IFIT1: variants seen among roughly 807,000 people sequenced by gnomAD.
The protein encoded by IFIT1 is antiviral innate immune response effector IFIT1.
Under a neutral mutation model 2.5 loss-of-function variants are expected in IFIT1, and 1 was observed. That is an observed-to-expected ratio of 0.40 (90% CI 0.14 to 1.92). The LOEUF is 1.92. Among genes scored for constraint, IFIT1 ranks in the 40% most tolerant of loss-of-function variants. The pLI is 0.31. For synonymous variants in IFIT1, 191 were observed against 201.7 expected, an observed-to-expected ratio of 0.95 and a Z score of 0.45; for missense variants, 508 against 557.8, an observed-to-expected ratio of 0.91 and a Z score of 0.90.
At position 89,402,313 on chromosome 10, in the gene IFIT1, G is replaced by C; in HGVS notation, c.38G>C (p.Ser13Thr). 6.2e-7 allele frequency: 1 copy of C among 1,613,718 alleles called. No individual in the cohort carries two copies. Among genetic ancestry groups the C allele is most frequent in the Non-Finnish European group, 8.5e-7 (1 of 1,179,686 alleles). ...TNGDDHQVKDSLEQLRCHFTW... is the reference protein window; with the variant it reads ...TNGDDHQVKDTLEQLRCHFTW... The stretch of plus-strand genomic sequence containing the variant: ...GGTGATGATCATCAGGTCAAGGATA[G>C]TCTGGAGCAATTGAGATGTCACTTT... The change falls in exon 2 of 2, where the codon AGT (serine) becomes ACT (threonine). Residue 13 changes from serine (S) to threonine (T), a missense_variant. Coordinates refer to ENST00000371804, the MANE Select transcript of IFIT1 (RefSeq NM_001548.5).
rs751323840 is a variant in IFIT1 at position 89,403,142 on chromosome 10, C to G, written c.867C>G (p.His289Gln). 1 of 1,613,890 alleles carries G rather than the reference C, an allele frequency of 6.2e-7. No individual in the cohort carries two copies. The highest frequency in any genetic ancestry group is 8.5e-7 in the Non-Finnish European group (1 of 1,179,962). Residue 289 changes from histidine to glutamine, a missense_variant, in exon 2 of 2, where the codon CAC (histidine) becomes CAG (glutamine). Coordinates refer to ENST00000371804, the MANE Select transcript of IFIT1 (RefSeq NM_001548.5). ...CACCCACTTCTGTCTTACTGCATCA[C>G]CAGATAGGGCTTTGCTACAAGGCAC... The part of the protein sequence containing the change: ...QETPTSVLLH[H>Q]QIGLCYKAQM...
At position 89,402,631 on chromosome 10, in the gene IFIT1, A is replaced by T. The variant is rs1844448289; in HGVS notation, c.356A>T (p.Asp119Val). Residue 119 changes from aspartate (D) to valine (V), a missense_variant, in exon 2 of 2, where the codon GAC becomes GTC. Asp to Val is a radical substitution (Grantham distance 152). Coordinates refer to ENST00000371804, the MANE Select transcript of IFIT1 (RefSeq NM_001548.5). ...GRLAEAQTYL[D>V]KVENICKKLS... is the part of the protein sequence containing the mutation. ...CTGGCAGAAGCCCAGACTTACCTGG[A>T]CAAGGTGGAGAACATTTGCAAGAAG... 6.2e-7 allele frequency: 1 copy of T among 1,614,234 alleles called. No individual in the cohort carries two copies.
In IFIT1 at chr10:89,393,300, A is replaced by G. The variant is rs148071714; in HGVS notation, c.5+583A>G. ...GGTTTTCGCAATCAGGCTGAGCTTA[A>G]GATAAACAGATTGCCTCCTCCCTGG... On this transcript the variant is annotated intron_variant, in intron 1 of 1. Transcript: ENST00000371804. 1.5e-3 allele frequency: 1,897 copies of G among 1,288,688 alleles called. 14 individuals are homozygous for G. The African/African-American group carries it at 0.019, about 13-fold the overall frequency. The allele number at this position is 1,288,688 out of a possible 1,614,324, so 79.8% of individuals were successfully genotyped here.
rs1844498171 is a variant in IFIT1 at position 89,404,554 on chromosome 10, A to C, written c.*842A>C. On this transcript the variant is annotated 3_prime_UTR_variant, in exon 2 of 2. Transcript: ENST00000371804. ...ATTCATAGCCCCCCATAACCTGTTA[A>C]CTATGTGTGTCTAGCCAATCCACCA... is the stretch of plus-strand genomic sequence containing the variant. The C allele has an allele frequency of 1.3e-5, 2 of 152,250 alleles. No homozygotes were observed. The highest frequency in any genetic ancestry group is 4.1e-4 in the South Asian group (2 of 4,834). 9.4% of individuals were successfully genotyped at this position (152,250 alleles called of 1,614,324 possible). A position where few individuals can be genotyped will look rare whatever the true frequency, so the allele number is the denominator to read the frequency against.
At chr10:89,392,761 G>T (rs1402954447) in intron 1 of IFIT1, 44 bp downstream of exon 1, 2 of 1,599,452 alleles carry the variant, frequency 1.3e-6, no homozygotes, top group African/African-American at 2.7e-5. Flanking sequence ...TAAAGTTTTT[G>T]AAAAAATGGT....
chr10:89,400,263 C>T (rs1844403354), intron 1 of IFIT1, among the ~76,000 whole-genome samples: 1 of 152,060 alleles, frequency 6.6e-6, no homozygotes. Flanking sequence ...ATTTGAGATC[C>T]CTTGACATTT....
Position 89,403,694 on chromosome 10 carries a change from T to C in IFIT1, c.1419T>C (p.Ser473=), listed in dbSNP as rs923633798. The C allele has an allele frequency of 2.5e-6, 4 of 1,590,696 alleles. No individual in the cohort carries two copies. The African/African-American group carries it at 5.4e-5, about 22-fold the overall frequency. Residue 473 remains serine, a synonymous_variant, in exon 2 of 2, where the codon TCT becomes TCC. Coordinates refer to ENST00000371804, the MANE Select transcript of IFIT1 (RefSeq NM_001548.5). The part of the protein sequence containing the change: ...ALRLAADFEN[S]VRQGP ...GACTGGCTGCTGACTTTGAGAACTC[T>C]GTGAGACAAGGTCCTTAGGCACCCA... is the stretch of plus-strand genomic sequence containing the variant.
At chr10:89,393,424 C>T (rs1589632537) in intron 1 of IFIT1, 1 of 679,828 alleles carries the variant, frequency 1.5e-6, no homozygotes. Context: ...GTGGGAATTT[C>T]TCAGCTGATT....
chr10:89,396,299 T>A (rs930640856), intron 1 of IFIT1, among the ~76,000 whole-genome samples: 18 of 152,206 alleles, frequency 1.2e-4, no homozygotes, highest in African/African-American at 4.1e-4. Flanking sequence ...AAGCAACAAT[T>A]TCTAAGGCTG....
chr10:89,402,324 T>C lies in IFIT1; in HGVS notation c.49T>C (p.Leu17=), dbSNP rs963634904. 4 of 1,613,842 alleles carry C rather than the reference T, an allele frequency of 2.5e-6. No homozygotes were observed. Among genetic ancestry groups the C allele is most frequent in the African/African-American group, 1.3e-5 (1 of 74,912 alleles). The change falls in exon 2 of 2, where the codon TTG becomes CTG. Residue 17 remains leucine, a synonymous_variant. Coordinates refer to ENST00000371804, the MANE Select transcript of IFIT1 (RefSeq NM_001548.5). Reference sequence around the variant, plus strand: ...TCAGGTCAAGGATAGTCTGGAGCAATTGAGATGTCACTTTACATGGGAGTT... The same window carrying C: ...TCAGGTCAAGGATAGTCTGGAGCAACTGAGATGTCACTTTACATGGGAGTT... The part of the protein sequence containing the change: ...DHQVKDSLEQ[L]RCHFTWELSI...
rs778578190 is a variant in IFIT1, at chr10:89,403,127, T to G, written c.852T>G (p.Ser284=). Residue 284 remains serine (S), a synonymous_variant, in exon 2 of 2, where the codon TCT becomes TCG. Coordinates refer to ENST00000371804, the MANE Select transcript of IFIT1 (RefSeq NM_001548.5). ...AGGCCTTGCAGGAAACACCCACTTC[T>G]GTCTTACTGCATCACCAGATAGGGC... ...LKKALQETPT[S]VLLHHQIGLC... is the part of the protein sequence containing the mutation. 4 of 1,614,112 alleles carry G rather than the reference T, an allele frequency of 2.5e-6. No homozygotes were observed. The highest frequency in any genetic ancestry group is 3.4e-6 in the Non-Finnish European group (4 of 1,179,992).
intron 1 of IFIT1, among the ~76,000 whole-genome samples, chr10:89,394,173 T>TGTGCAGCATGTTACC (rs1364684634): frequency 6.6e-6 from 1 of 152,206 alleles, no homozygotes; most frequent in East Asian, 1.9e-4. Context: ...AGCATGTTAC[T>TGTGCAGCATGTTACC]GTACTGAATA....
rs1293431059 is a variant in IFIT1 at position 89,403,548 on chromosome 10, T to C, written c.1273T>C (p.Leu425=). The part of the protein sequence containing the change: ...RDKSINSLKK[L]VLRKLRRKAL... ...TAAAAGTATCAATTCTTTGAAGAAA[T>C]TGGTTTTAAGGAAACTTCGGAGAAA... Residue 425 remains leucine, a synonymous_variant, in exon 2 of 2, where the codon TTG becomes CTG. Transcript: ENST00000371804. 1.2e-6 allele frequency: 2 copies of C among 1,614,048 alleles called. No individual in the cohort carries two copies. Among genetic ancestry groups the C allele is most frequent in the Non-Finnish European group, 1.7e-6 (2 of 1,179,954 alleles).
intron 1 of IFIT1, chr10:89,393,399 C>T (rs1204842249): frequency 1.2e-6 from 1 of 819,272 alleles, no homozygotes; most frequent in Non-Finnish European, 1.7e-6. Context: ...ATCTTCCTTA[C>T]CTAAAGGGCC....
chr10:89,397,655 C>A (rs953477820), intron 1 of IFIT1, among the ~76,000 whole-genome samples: 1 of 151,664 alleles, frequency 6.6e-6, no homozygotes, highest in African/African-American at 2.4e-5. Context: ...AGATTATAGG[C>A]ATGAGTCATT....
At position 89,402,759 on chromosome 10, in the gene IFIT1, G is replaced by A. The variant is rs149964072; in HGVS notation, c.484G>A (p.Ala162Thr). Residue 162 changes from alanine to threonine, a missense_variant, in exon 2 of 2, where the codon GCC (alanine) becomes ACC (threonine). Coordinates refer to ENST00000371804, the MANE Select transcript of IFIT1 (RefSeq NM_001548.5). ...CGGKNYERAK[A>T]CFEKVLEVDP... ...AGGAAAAAATTATGAACGGGCCAAG[G>A]CCTGCTTTGAAAAGGTGCTTGAAGT... The A allele has an allele frequency of 1.7e-5, 27 of 1,614,102 alleles. No homozygotes were observed. Among genetic ancestry groups the A allele is most frequent in the Non-Finnish European group, 2.2e-5 (26 of 1,180,044 alleles).
At chr10:89,397,747 C>T (rs1204969352) in intron 1 of IFIT1, among the ~76,000 whole-genome samples, 2 of 152,070 alleles carry the variant, frequency 1.3e-5, no homozygotes, top group Non-Finnish European at 2.9e-5. Context: ...ACATAGATTT[C>T]CAGTGGTCTG....
chr10:89,395,871 G>A (rs1369086336), intron 1 of IFIT1, among the ~76,000 whole-genome samples: 2 of 151,200 alleles, frequency 1.3e-5, no homozygotes, highest in East Asian at 1.9e-4. Context: ...TTCATTTAGT[G>A]TAGTGTTGTC....
In IFIT1 at chr10:89,402,691, C is replaced by T; in HGVS notation, c.416C>T (p.Pro139Leu). The T allele has an allele frequency of 1.2e-6, 2 of 1,614,128 alleles. No individual in the cohort carries two copies. Among genetic ancestry groups the T allele is most frequent in the Non-Finnish European group, 1.7e-6 (2 of 1,180,018 alleles). Reference sequence around the variant, plus strand: ...CCCTTCCGCTATAGAATGGAGTGTCCAGAAATAGACTGTGAGGAAGGATGG... The same window carrying T: ...CCCTTCCGCTATAGAATGGAGTGTCTAGAAATAGACTGTGAGGAAGGATGG... ...SNPFRYRMEC[P>L]EIDCEEGWAL... Residue 139 changes from proline to leucine, a missense_variant, in exon 2 of 2, where the codon CCA becomes CTA. Physicochemically the swap from Pro to Leu is moderately conservative, Grantham distance 98. Coordinates refer to ENST00000371804, the MANE Select transcript of IFIT1 (RefSeq NM_001548.5).
Sources: gnomAD v4.1 joint callset for allele counts (sites outside exome capture counted in the v4.1 genomes callset) on GRCh38, gnomAD v4.1.1 for gene constraint, MANE v1.5 for transcripts, NCBI Gene and HGNC (gene_info 2026-07-23, HGNC 2026-07-21) for gene names.